PDS5B: variants seen among roughly 807,000 people sequenced by gnomAD.
The protein encoded by PDS5B is PDS5 cohesin associated factor B.
A neutral mutation model predicts 184.1 loss-of-function variants in PDS5B; 51 were observed. The observed-to-expected ratio is 0.28, with a 90% CI of 0.22 to 0.35. The LOEUF (loss-of-function observed/expected upper bound fraction) is 0.35, where lower values mean the gene tolerates loss of function less well. PDS5B is among the 10% of genes least tolerant of loss of function. PDS5B has a pLI of 1.00. For synonymous variants in PDS5B, 566 were observed against 569.2 expected (o/e 0.99, Z 0.08); for missense variants, 1,180 against 1,723.3 (o/e 0.68, Z 5.58).
At chr13:32,684,080 CAATAT>C in intron 11 of PDS5B, 57 bp downstream of exon 11, 1 of 879,792 alleles carries the variant, frequency 1.1e-6, no homozygotes, top group South Asian at 2.5e-5. Context: ...TGAAGTTTAA[CAATAT>C]TTGAAAATAT....
chr13:32,717,269 G>T (rs1952486931), intron 19 of PDS5B, among the ~76,000 whole-genome samples: 2 of 151,826 alleles, frequency 1.3e-5, no homozygotes, highest in African/African-American at 4.8e-5. Context: ...GTGGGGAAAA[G>T]ATTGAGAAAT....
intron 1 of PDS5B, among the ~76,000 whole-genome samples, chr13:32,630,728 A>G (rs1183105120): frequency 6.6e-6 from 1 of 151,552 alleles, no homozygotes; most frequent in Middle Eastern, 3.2e-3. Flanking sequence ...TTTCCACTCA[A>G]ATGTCACCTT....
chr13:32,742,530 T>A (rs1474877827), intron 22 of PDS5B, 61 bp from the exon 23 acceptor site: 1 of 1,401,246 alleles, frequency 7.1e-7, no homozygotes, highest in Non-Finnish European at 9.8e-7. Flanking sequence ...TAAAAAAAGT[T>A]GATACAGAAA....
chr13:32,621,237 A>G (rs987377284), intron 1 of PDS5B, among the ~76,000 whole-genome samples: 4 of 152,210 alleles, frequency 2.6e-5, no homozygotes, highest in Admixed American at 1.3e-4. Flanking sequence ...GCCAAGGCAG[A>G]CAGATCACTT....
chr13:32,586,632 C>T (rs972775709), intron 1 of PDS5B, 39 bp downstream of exon 1: 7 of 151,792 alleles, frequency 4.6e-5, no homozygotes, highest in African/African-American at 1.5e-4. Context: ...AAATGTCTCT[C>T]TTCTCTGGCT....
intron 15 of PDS5B, 141 bp downstream of exon 15, chr13:32,697,043 G>C (rs907989282): frequency 3.7e-6 from 2 of 533,990 alleles, no homozygotes; most frequent in Non-Finnish European, 6.5e-6. Flanking sequence ...ATGAGCTAGA[G>C]CTGGAGAAAG....
intron 1 of PDS5B, among the ~76,000 whole-genome samples, chr13:32,642,506 A>C (rs572995291): frequency 6.6e-6 from 1 of 152,288 alleles, no homozygotes; most frequent in African/African-American, 2.4e-5. Context: ...TGAGACTTTA[A>C]GGTCTATAGA....
chr13:32,616,301 C>G (rs1020227075), intron 1 of PDS5B, among the ~76,000 whole-genome samples: 1 of 152,076 alleles, frequency 6.6e-6, no homozygotes, highest in African/African-American at 2.4e-5. Flanking sequence ...GTGATCCACC[C>G]GCCTTGGCCT....
At chr13:32,599,742 G>A (rs1306344471) in intron 1 of PDS5B, among the ~76,000 whole-genome samples, 3 of 151,830 alleles carry the variant, frequency 2.0e-5, no homozygotes, top group East Asian at 2.0e-4. Context: ...GTGAAACCCC[G>A]TCTACTAAAA....
chr13:32,676,573 CA>C, intron 9 of PDS5B, among the ~76,000 whole-genome samples: 1 of 151,954 alleles, frequency 6.6e-6, no homozygotes, highest in Non-Finnish European at 1.5e-5. Context: ...CGCTCTGACT[CA>C]GAAAAAAAGA....
At chr13:32,752,494 C>T (rs1954021500) in intron 24 of PDS5B, among the ~76,000 whole-genome samples, 1 of 152,166 alleles carries the variant, frequency 6.6e-6, no homozygotes, top group Non-Finnish European at 1.5e-5. Context: ...TAATTCTTTT[C>T]TTCAAGGAAC....
rs563660933 is a variant in PDS5B at position 32,658,144 on chromosome 13, T to C, written c.313-95T>C. 14 of 624,216 alleles carry C rather than the reference T, an allele frequency of 2.2e-5. No homozygotes were observed. In the South Asian group the frequency reaches 2.6e-4, roughly 12 times the overall value. The allele number at this position is 624,216 out of a possible 1,614,324, so 38.7% of individuals were successfully genotyped here. On this transcript the variant is annotated intron_variant, in intron 3 of 34. Coordinates refer to ENST00000315596, the MANE Select transcript of PDS5B (RefSeq NM_015032.4). ...TGGTTCTTTATAGTTTATTATGATA[T>C]GTACACATGAGTGCTGAATAAACTC...
chr13:32,657,484 C>T (rs1029832820), intron 3 of PDS5B, among the ~76,000 whole-genome samples: 5 of 152,158 alleles, frequency 3.3e-5, no homozygotes, highest in Non-Finnish European at 7.3e-5. Context: ...CTCTTGTAGA[C>T]AGCATACAGT....
chr13:32,753,613 G>T, intron 25 of PDS5B, 77 bp downstream of exon 25: 3 of 842,278 alleles, frequency 3.6e-6, no homozygotes, highest in East Asian at 2.7e-5. Flanking sequence ...CATGATATAT[G>T]ATATTACTGT....
intron 1 of PDS5B, among the ~76,000 whole-genome samples, chr13:32,632,068 A>G (rs1057331953): frequency 6.6e-6 from 1 of 152,226 alleles, no homozygotes; most frequent in African/African-American, 2.4e-5. Context: ...ATGAGCTCAA[A>G]ATGATCAATG....
At chr13:32,650,876 T>C (rs79550907) in intron 2 of PDS5B, among the ~76,000 whole-genome samples, 132 of 152,314 alleles carry the variant, frequency 8.7e-4, no homozygotes, top group African/African-American at 3.0e-3. Context: ...GACCAAGACA[T>C]TTAACATTGA....
rs1480061763 is a variant in PDS5B, at chr13:32,758,014, A to G, written c.3057-73A>G. 7.1e-6 allele frequency: 4 copies of G among 560,938 alleles called. No homozygotes were observed. In the African/African-American group the frequency reaches 8.3e-5, roughly 12 times the overall value. 34.7% of individuals were successfully genotyped at this position (560,938 alleles called of 1,614,324 possible). A position where few individuals can be genotyped will look rare whatever the true frequency, so the allele number is the denominator to read the frequency against. On this transcript the variant is annotated intron_variant, in intron 26 of 34. Transcript: ENST00000315596. Reference sequence around the variant, plus strand: ...ATCTAGGTTTGTTATATTTATATTTAGAATTATTGTATCTATATTTAACAA... The same window carrying G: ...ATCTAGGTTTGTTATATTTATATTTGGAATTATTGTATCTATATTTAACAA...
At chr13:32,597,180 C>A (rs576801765) in intron 1 of PDS5B, among the ~76,000 whole-genome samples, 3 of 151,836 alleles carry the variant, frequency 2.0e-5, no homozygotes, top group East Asian at 3.9e-4. Context: ...TCTACAGATA[C>A]GTGCCACCAT....
intron 16 of PDS5B, 96 bp from the exon 17 acceptor site, chr13:32,701,227 G>A: frequency 1.5e-6 from 1 of 648,818 alleles, no homozygotes; most frequent in Non-Finnish European, 2.8e-6. Flanking sequence ...TCCAGCGTCA[G>A]TACTACATGG....
Sources: gnomAD v4.1 joint callset for allele counts (sites outside exome capture counted in the v4.1 genomes callset) on GRCh38, gnomAD v4.1.1 for gene constraint, MANE v1.5 for transcripts, NCBI Gene and HGNC (gene_info 2026-07-23, HGNC 2026-07-21) for gene names.